TMEM132B: variants seen among roughly 807,000 people sequenced by gnomAD.
TMEM132B encodes the protein transmembrane protein 132B.
TMEM132B carries 18 observed loss-of-function variants against 90.8 expected under a neutral mutation model. The observed-to-expected ratio is 0.20, with a 90% CI of 0.14 to 0.29. The LOEUF is 0.29. Ranked by LOEUF, TMEM132B falls within the 10% of genes least tolerant of loss-of-function variation. The pLI is 1.00. For synonymous variants in TMEM132B, 504 were observed against 523.3 expected (o/e 0.96, Z 0.50); for missense variants, 1,096 against 1,326.8 (o/e 0.83, Z 2.70).
intron 4 of TMEM132B, among the ~76,000 whole-genome samples, chr12:125,559,590 G>A (rs941415999): frequency 2.2e-4 from 33 of 152,136 alleles, no homozygotes; most frequent in Non-Finnish European, 3.4e-4. Context: ...TGTGTGATGC[G>A]GATGGTGGGA....
chr12:125,432,511 G>GTGTATATATATATATATATA (rs1555248848), intron 3 of TMEM132B, among the ~76,000 whole-genome samples: 1 of 18,556 alleles, frequency 5.4e-5, no homozygotes, highest in African/African-American at 3.2e-4. Flanking sequence ...ATGTGTGTGT[G>GTGTATATATATATATATATA]TATATATATA....
chr12:125,295,359 A>T (rs1190472250), intron 1 of TMEM132B, among the ~76,000 whole-genome samples: 2 of 152,188 alleles, frequency 1.3e-5, no homozygotes, highest in Non-Finnish European at 2.9e-5. Context: ...CCACTCACAC[A>T]GGGATCCAGC....
At chr12:125,610,267 C>T (rs191632217) in intron 5 of TMEM132B, among the ~76,000 whole-genome samples, 2 of 152,084 alleles carry the variant, frequency 1.3e-5, no homozygotes, top group East Asian at 3.9e-4. Flanking sequence ...ACTTCCTGTA[C>T]AATGTTGAAT....
In TMEM132B at chr12:125,519,533, G is replaced by C. The variant is rs773006112; in HGVS notation, c.1201G>C (p.Glu401Gln). 6.2e-7 allele frequency: 1 copy of C among 1,614,044 alleles called. No homozygotes were observed. Residue 401 changes from glutamate (E) to glutamine (Q), a missense_variant, in exon 4 of 9, where the codon GAG (glutamate) becomes CAG (glutamine). Physicochemically the swap from Glu to Gln is conservative, Grantham distance 29. Coordinates refer to ENST00000682704, the MANE Select transcript of TMEM132B (RefSeq NM_001366854.1). ...GGCCCAGCAGATTACCTGGCAGGTGGAGTACCCGATTGAGGACTCCATGAG... is the reference window on the plus strand; with the variant it reads ...GGCCCAGCAGATTACCTGGCAGGTGCAGTACCCGATTGAGGACTCCATGAG... ...AGAQQITWQV[E>Q]YPIEDSMSEL...
At chr12:125,479,233 A>T (rs1300219218) in intron 3 of TMEM132B, among the ~76,000 whole-genome samples, 1 of 152,258 alleles carries the variant, frequency 6.6e-6, no homozygotes, top group Admixed American at 6.5e-5. Flanking sequence ...TTAATGTCAC[A>T]ATGACAGGAT....
chr12:125,493,632 T>C (rs1246276890), intron 3 of TMEM132B, among the ~76,000 whole-genome samples: 2 of 152,122 alleles, frequency 1.3e-5, no homozygotes, highest in African/African-American at 4.8e-5. Flanking sequence ...GCTGCTGGCT[T>C]CTGGCTGGGC....
chr12:125,266,061 T>A (rs1874687337), intron 1 of TMEM132B, among the ~76,000 whole-genome samples: 3 of 152,056 alleles, frequency 2.0e-5, no homozygotes, highest in African/African-American at 4.8e-5. Flanking sequence ...AAACCCTGTC[T>A]CTACTAAAAA....
chr12:125,393,017 C>G (rs1280203773), intron 2 of TMEM132B, among the ~76,000 whole-genome samples: 1 of 152,148 alleles, frequency 6.6e-6, no homozygotes, highest in Admixed American at 6.5e-5. Context: ...GGCTCCAACA[C>G]CAAGTTTTAC....
chr12:125,222,176 G>T (rs183388313), intron 1 of TMEM132B, among the ~76,000 whole-genome samples: 1 of 152,202 alleles, frequency 6.6e-6, no homozygotes, highest in Non-Finnish European at 1.5e-5. Context: ...AGCAGTGGGT[G>T]TTTGTGACTC....
chr12:125,241,671 G>T (rs1485182263), intron 1 of TMEM132B, among the ~76,000 whole-genome samples: 1 of 152,306 alleles, frequency 6.6e-6, no homozygotes, highest in South Asian at 2.1e-4. Context: ...GGTTCTGCTG[G>T]CACCTTGGTT....
At chr12:125,244,258 T>G (rs1874157073) in intron 1 of TMEM132B, among the ~76,000 whole-genome samples, 1 of 152,248 alleles carries the variant, frequency 6.6e-6, no homozygotes, top group African/African-American at 2.4e-5. Flanking sequence ...TTCAGTTCCC[T>G]TGGGTCTATG....
At chr12:125,268,082 C>T (rs990688199) in intron 1 of TMEM132B, among the ~76,000 whole-genome samples, 4 of 151,968 alleles carry the variant, frequency 2.6e-5, no homozygotes, top group Admixed American at 2.6e-4. Flanking sequence ...TCCATCTCTA[C>T]AAAAAGAAAA....
chr12:125,297,214 G>A (rs987152217), intron 1 of TMEM132B, among the ~76,000 whole-genome samples: 1 of 152,238 alleles, frequency 6.6e-6, no homozygotes, highest in Non-Finnish European at 1.5e-5. Context: ...ATGGGAGGAG[G>A]AGGGAGCCTT....
chr12:125,393,394 TG>T (rs959005176), intron 2 of TMEM132B, among the ~76,000 whole-genome samples: 1 of 152,098 alleles, frequency 6.6e-6, no homozygotes, highest in Non-Finnish European at 1.5e-5. Context: ...GTATTAGTTG[TG>T]GTAAATATGA....
rs1887201255 is a variant in TMEM132B, at chr12:125,661,318, T to C, written c.*6608T>C. ...CCCACATAGTAGAAGCATTTTCCATTTCCATGAATATTACAGGCTGAGAAG... is the reference window on the plus strand; with the variant it reads ...CCCACATAGTAGAAGCATTTTCCATCTCCATGAATATTACAGGCTGAGAAG... On this transcript the variant is annotated 3_prime_UTR_variant, in exon 9 of 9. Transcript: ENST00000682704. The C allele has an allele frequency of 6.6e-6, 1 of 152,230 alleles. No homozygotes were observed. 9.4% of individuals were successfully genotyped at this position (152,230 alleles called of 1,614,324 possible). A position where few individuals can be genotyped will look rare whatever the true frequency, so the allele number is the denominator to read the frequency against.
intron 5 of TMEM132B, among the ~76,000 whole-genome samples, chr12:125,618,282 A>G (rs1346899612): frequency 6.6e-6 from 1 of 152,180 alleles, no homozygotes. Flanking sequence ...CTTGCCATGC[A>G]TGGAGTGGGG....
intron 4 of TMEM132B, among the ~76,000 whole-genome samples, chr12:125,580,923 G>A (rs1319511467): frequency 6.6e-6 from 1 of 152,048 alleles, no homozygotes; most frequent in African/African-American, 2.4e-5. Context: ...TGGGATCAGG[G>A]GACGATTTCA....
chr12:125,367,767 T>C (rs1878177198), intron 2 of TMEM132B, among the ~76,000 whole-genome samples: 1 of 152,204 alleles, frequency 6.6e-6, no homozygotes, highest in Admixed American at 6.5e-5. Flanking sequence ...ACTTTAAAAA[T>C]TATGTCTAGA....
At chr12:125,568,929 T>C (rs1162747110) in intron 4 of TMEM132B, among the ~76,000 whole-genome samples, 1 of 152,152 alleles carries the variant, frequency 6.6e-6, no homozygotes, top group Non-Finnish European at 1.5e-5. Context: ...CCACAGCAAT[T>C]GTATCCTTTT....
Sources: allele counts gnomAD v4.1 joint callset (sites outside exome capture counted in the v4.1 genomes callset), GRCh38; gene constraint gnomAD v4.1.1; transcripts MANE v1.5; gene names NCBI Gene and HGNC (gene_info 2026-07-23, HGNC 2026-07-21).